CDH18: variants seen among roughly 807,000 people sequenced by gnomAD.
CDH18 encodes cadherin 18, also known as cadherin-18.
A neutral mutation model predicts 67.9 loss-of-function variants in CDH18; 31 were observed. The ratio of observed to expected loss-of-function variants is 0.46; its 90% confidence interval spans 0.34 to 0.62. CDH18 has a LOEUF of 0.62. Ranked by LOEUF, CDH18 falls within the 20% of genes least tolerant of loss-of-function variation. CDH18 has a pLI of 0.01. For synonymous variants in CDH18, 362 were observed against 347.2 expected, an observed-to-expected ratio of 1.04 and a Z score of -0.48; for missense variants, 890 against 975.5, an observed-to-expected ratio of 0.91 and a Z score of 1.17.
intron 8 of CDH18, among the ~76,000 whole-genome samples, chr5:19,551,075 C>T (rs963992784): frequency 1.3e-5 from 2 of 152,086 alleles, no homozygotes; most frequent in Admixed American, 6.6e-5. Flanking sequence ...AAGATAATCT[C>T]TGTAAAATTT....
chr5:19,935,600 G>A (rs1408702436), intron 2 of CDH18, among the ~76,000 whole-genome samples: 1 of 151,120 alleles, frequency 6.6e-6, no homozygotes, highest in Non-Finnish European at 1.5e-5. Flanking sequence ...GTTTGTTTAA[G>A]CACATTCTGT....
At chr5:20,375,972 T>C (rs1743382458) in intron 1 of CDH18, among the ~76,000 whole-genome samples, 2 of 151,876 alleles carry the variant, frequency 1.3e-5, no homozygotes, top group African/African-American at 4.8e-5. Context: ...AGATACTGCC[T>C]AAATATCCAC....
At chr5:20,186,257 A>T (rs1190572701) in intron 2 of CDH18, among the ~76,000 whole-genome samples, 3 of 152,016 alleles carry the variant, frequency 2.0e-5, no homozygotes, top group Non-Finnish European at 2.9e-5. Flanking sequence ...TTTTTTGGAT[A>T]TGATATCACA....
intron 1 of CDH18, among the ~76,000 whole-genome samples, chr5:20,439,017 C>A (rs1402618257): frequency 2.0e-5 from 3 of 151,352 alleles, no homozygotes; most frequent in Non-Finnish European, 4.4e-5. Context: ...GGTGACAAAT[C>A]AATAAAACCC....
At chr5:19,874,208 T>G (rs13181183) in intron 2 of CDH18, among the ~76,000 whole-genome samples, 74,594 of 151,922 alleles carry the variant, frequency 0.49, 18,522 homozygotes, top group Middle Eastern at 0.64. Context: ...ATCTATATTC[T>G]GTTTGGCATT....
intron 1 of CDH18, among the ~76,000 whole-genome samples, chr5:20,281,561 G>A (rs1580658401): frequency 6.6e-6 from 1 of 151,910 alleles, no homozygotes; most frequent in African/African-American, 2.4e-5. Flanking sequence ...TTTTCCATTG[G>A]TCTATATCTC....
At chr5:19,629,479 A>C (rs1752087515) in intron 5 of CDH18, among the ~76,000 whole-genome samples, 1 of 152,186 alleles carries the variant, frequency 6.6e-6, no homozygotes, top group African/African-American at 2.4e-5. Flanking sequence ...AGGGCCACTT[A>C]TTACAGTTAA....
At chr5:20,192,077 T>C (rs1032485080) in intron 2 of CDH18, among the ~76,000 whole-genome samples, 2 of 152,108 alleles carry the variant, frequency 1.3e-5, no homozygotes, top group Non-Finnish European at 2.9e-5. Flanking sequence ...GGTATCTCAT[T>C]GTGGTTTTGA....
chr5:20,195,044 A>T (rs928624624), intron 2 of CDH18, among the ~76,000 whole-genome samples: 1 of 152,130 alleles, frequency 6.6e-6, no homozygotes, highest in African/African-American at 2.4e-5. Flanking sequence ...GAAAATATAA[A>T]TATCCAACAG....
intron 2 of CDH18, among the ~76,000 whole-genome samples, chr5:20,150,879 A>G (rs1182977066): frequency 1.3e-5 from 2 of 152,052 alleles, no homozygotes; most frequent in Non-Finnish European, 2.9e-5. Flanking sequence ...AGAATTCCCC[A>G]AAGTTGTAAT....
intron 1 of CDH18, among the ~76,000 whole-genome samples, chr5:20,294,093 G>A (rs542407339): frequency 1.3e-5 from 2 of 152,276 alleles, no homozygotes; most frequent in South Asian, 4.2e-4. Flanking sequence ...GTAAACAGAA[G>A]TTGCACTGAG....
chr5:20,228,349 T>G (rs551815800), intron 2 of CDH18, among the ~76,000 whole-genome samples: 34 of 152,138 alleles, frequency 2.2e-4, no homozygotes, highest in African/African-American at 7.5e-4. Flanking sequence ...TTTTGAAAAA[T>G]TACAGGTAAA....
At chr5:19,962,551 A>T (rs1342117017) in intron 2 of CDH18, among the ~76,000 whole-genome samples, 1 of 151,970 alleles carries the variant, frequency 6.6e-6, no homozygotes, top group Non-Finnish European at 1.5e-5. Context: ...AGGTAAGCAG[A>T]TCACTTGAGA....
intron 2 of CDH18, among the ~76,000 whole-genome samples, chr5:19,854,362 A>C (rs749187610): frequency 7.2e-5 from 11 of 152,168 alleles, no homozygotes; most frequent in Non-Finnish European, 1.3e-4. Context: ...ATTTCTATCA[A>C]AATTTCAAAC....
chr5:20,493,356 TAAAAAAAAAAAAAAAAAAA>T (rs148292031), intron 1 of CDH18, among the ~76,000 whole-genome samples: 4 of 47,208 alleles, frequency 8.5e-5, no homozygotes, highest in Non-Finnish European at 1.4e-4. Context: ...TTCAGAAAAT[TAAAAAAAAAAAAAAAAAAA>T]AAAAAAAAAA....
intron 5 of CDH18, 78 bp downstream of exon 5, chr5:19,721,269 C>A: frequency 2.3e-6 from 3 of 1,318,162 alleles, no homozygotes; most frequent in Non-Finnish European, 2.1e-6. Context: ...TGGAAAAGAG[C>A]ATATGGAAAT....
intron 5 of CDH18, among the ~76,000 whole-genome samples, chr5:19,655,521 G>A (rs1756237838): frequency 1.3e-5 from 2 of 151,706 alleles, no homozygotes; most frequent in African/African-American, 2.4e-5. Flanking sequence ...TAAATGTATT[G>A]TTTTGTTTAT....
Position 20,085,273 on chromosome 5 carries a change from T to C in CDH18, c.-517-93259A>G, listed in dbSNP as rs943326313. ...TGCTGCCAGTCTTTTTGCTAAAACA[T>C]CTCAAGAGTCACCTTTGCTCCAGTT... On this transcript the variant is annotated intron_variant, in intron 2 of 14. Transcript: ENST00000507958. Among the ~76,000 whole-genome samples, 2 of 152,106 alleles carry C rather than the reference T, an allele frequency of 1.3e-5. 1 individual carries two copies. The highest frequency in any genetic ancestry group is 2.9e-5 in the Non-Finnish European group (2 of 68,016).
At chr5:19,743,870 G>A (rs1368131806) in intron 4 of CDH18, among the ~76,000 whole-genome samples, 1 of 140,172 alleles carries the variant, frequency 7.1e-6, no homozygotes, top group Non-Finnish European at 1.5e-5. Flanking sequence ...GAAGTGAGCC[G>A]AGATCATGCC....
Sources: allele counts gnomAD v4.1 joint callset (sites outside exome capture counted in the v4.1 genomes callset), GRCh38; gene constraint gnomAD v4.1.1; transcripts MANE v1.5; gene names NCBI Gene and HGNC (gene_info 2026-07-23, HGNC 2026-07-21).